The following SLC6A19 variants were observed in gnomAD, a reference collection of about 807,000 sequenced individuals.
The protein encoded by SLC6A19 is solute carrier family 6 member 19, also known as sodium-dependent neutral amino acid transporter B(0)AT1.
A neutral mutation model predicts 68.3 loss-of-function variants in SLC6A19; 67 were observed. The ratio of observed to expected loss-of-function variants is 0.98; its 90% confidence interval spans 0.81 to 1.20. The LOEUF is 1.20. Among genes scored for constraint, SLC6A19 ranks in the 50% most tolerant of loss-of-function variants. The pLI, the probability that SLC6A19 is intolerant of heterozygous loss-of-function variation, is 0.00. For missense variants in SLC6A19, 813 were observed against 851.6 expected, an observed-to-expected ratio of 0.95 and a Z score of 0.56; for synonymous variants, 392 against 374.9, an observed-to-expected ratio of 1.05 and a Z score of -0.53.
At chr5:1,221,018 G>A (rs1579518782) in intron 10 of SLC6A19, 133 bp from the exon 11 acceptor site, 3 of 1,108,416 alleles carry the variant, frequency 2.7e-6, no homozygotes, top group African/African-American at 3.1e-5. Context: ...CAGGAGGGAG[G>A]GATCGGGCCC....
At chr5:1,202,069 C>T (rs985370035) in intron 1 of SLC6A19, among the ~76,000 whole-genome samples, 1 of 152,206 alleles carries the variant, frequency 6.6e-6, no homozygotes, top group African/African-American at 2.4e-5. Context: ...GGCACGACCC[C>T]AAGACTTCGT....
chr5:1,209,521 T>C lies in SLC6A19; in HGVS notation c.343+635T>C, dbSNP rs1745961219. Among the ~76,000 whole-genome samples the C allele has an allele frequency of 6.6e-6, 1 of 151,994 alleles. No homozygotes were observed. Among genetic ancestry groups the C allele is most frequent in the Admixed American group, 6.5e-5 (1 of 15,276 alleles). On this transcript the variant is annotated intron_variant, in intron 2 of 11. Transcript: ENST00000304460. This position sits in a 1 kb window ranked among gnomAD's most constrained non-coding sequence, Gnocchi z 5.5. The stretch of plus-strand genomic sequence containing the variant: ...AGCCTCTCCCTGAGTCTCCAAGGCC[T>C]CCCTCCAGGCCCAGGGCAGAGCCCA...
At position 1,219,644 on chromosome 5, in the gene SLC6A19, C is replaced by A. The variant is rs1402819272; in HGVS notation, c.1518C>A (p.Val506=). The A allele has an allele frequency of 2.5e-6, 4 of 1,606,742 alleles. No individual in the cohort carries two copies. Among genetic ancestry groups the A allele is most frequent in the Non-Finnish European group, 3.4e-6 (4 of 1,180,004 alleles). Residue 506 remains valine, a synonymous_variant, in exon 10 of 12, where the codon GTC becomes GTA. Coordinates refer to ENST00000304460, the MANE Select transcript of SLC6A19 (RefSeq NM_001003841.3). ...CCTTCTGCGAGATGTTCTCTGTGGTCTACGTGTACGGTGTGGACAGGTAGG... is the reference window on the plus strand; with the variant it reads ...CCTTCTGCGAGATGTTCTCTGTGGTATACGTGTACGGTGTGGACAGGTAGG... ...IIAFCEMFSV[V]YVYGVDRFNK...
intron 4 of SLC6A19, among the ~76,000 whole-genome samples, chr5:1,213,038 T>G (rs1561165431): frequency 1.0e-5 from 1 of 96,902 alleles, no homozygotes; most frequent in African/African-American, 4.1e-5. Flanking sequence ...CCCCACCCAT[T>G]CCACATACCC....
Position 1,222,035 on chromosome 5 carries a change from A to T in SLC6A19, c.*131A>T. ...TGTATGCTCGTGTGTGAGTGTGTGT[A>T]TTGTACACGCATGTGCCATGTGTGC... On this transcript the variant is annotated 3_prime_UTR_variant, in exon 12 of 12. Coordinates refer to ENST00000304460, the MANE Select transcript of SLC6A19 (RefSeq NM_001003841.3). The T allele has an allele frequency of 9.9e-7, 1 of 1,008,220 alleles. No homozygotes were observed. The highest frequency in any genetic ancestry group is 1.5e-6 in the Non-Finnish European group (1 of 675,396). 62.5% of individuals were successfully genotyped at this position (1,008,220 alleles called of 1,614,324 possible). A position where few individuals can be genotyped will look rare whatever the true frequency, so the allele number is the denominator to read the frequency against.
rs998850537 is a variant in SLC6A19 at position 1,212,737 on chromosome 5, C to T, written c.663+253C>T. Among the ~76,000 whole-genome samples, 9 of 152,030 alleles carry T rather than the reference C, an allele frequency of 5.9e-5. No homozygotes were observed. Among genetic ancestry groups the T allele is most frequent in the Non-Finnish European group, 1.0e-4 (7 of 68,000 alleles). Reference sequence around the variant, plus strand: ...TGACGTTGGCCCACACGACACTTAGCGTTATGTAGGAGTAATACAAACTAC... The same window carrying T: ...TGACGTTGGCCCACACGACACTTAGTGTTATGTAGGAGTAATACAAACTAC... On this transcript the variant is annotated intron_variant, in intron 4 of 11. Transcript: ENST00000304460. This position sits in a 1 kb window ranked among gnomAD's most constrained non-coding sequence, Gnocchi z 5.1.
In SLC6A19 at chr5:1,212,202, G is replaced by A. The variant is rs1418905463; in HGVS notation, c.482-101G>A. The A allele has an allele frequency of 1.4e-6, 2 of 1,465,956 alleles. No homozygotes were observed. The highest frequency in any genetic ancestry group is 2.3e-5 in the East Asian group (1 of 43,804). 90.8% of individuals were successfully genotyped at this position (1,465,956 alleles called of 1,614,324 possible). ...CGTGTGGGCGTGTCACTGGTGTCAA[G>A]GCCTCTGGAACGTGGCTGGCATTTC... On this transcript the variant is annotated intron_variant, in intron 3 of 11. Coordinates refer to ENST00000304460, the MANE Select transcript of SLC6A19 (RefSeq NM_001003841.3). The surrounding 1 kb of genome is among the most constrained non-coding windows in gnomAD (Gnocchi z 5.1).
chr5:1,211,745 C>T (rs1402917646), intron 3 of SLC6A19, among the ~76,000 whole-genome samples: 1 of 149,132 alleles, frequency 6.7e-6, no homozygotes, highest in Admixed American at 6.7e-5. Context: ...AGAGTACAGT[C>T]ACGCTTGTGT....
chr5:1,216,694 G>T lies in SLC6A19; in HGVS notation c.1016+8G>T, dbSNP rs1182491186. On this transcript the variant is annotated splice_region_variant and intron_variant, in intron 7 of 11. Coordinates refer to ENST00000304460, the MANE Select transcript of SLC6A19 (RefSeq NM_001003841.3). Reference sequence around the variant, plus strand: ...CGACGACTGCTTCAGCACGTGAGTGGCTGTCCCACCATCCTGGTGCCTTGG... The same window carrying T: ...CGACGACTGCTTCAGCACGTGAGTGTCTGTCCCACCATCCTGGTGCCTTGG... The T allele has an allele frequency of 3.1e-6, 5 of 1,613,574 alleles. No homozygotes were observed. The highest frequency in any genetic ancestry group is 4.2e-6 in the Non-Finnish European group (5 of 1,180,044).
intron 1 of SLC6A19, among the ~76,000 whole-genome samples, chr5:1,203,419 G>A (rs1405918575): frequency 2.0e-5 from 3 of 152,146 alleles, no homozygotes; most frequent in Admixed American, 6.5e-5. Context: ...CGGGCAGCGG[G>A]CAGCGGGCAG....
rs976799911 is a variant in SLC6A19, at chr5:1,217,322, G to A, written c.1173+377G>A. Among the ~76,000 whole-genome samples the A allele has an allele frequency of 2.0e-5, 3 of 152,344 alleles. No homozygotes were observed. The East Asian group carries it at 5.8e-4, about 29-fold the overall frequency. On this transcript the variant is annotated intron_variant, in intron 8 of 11. Coordinates refer to ENST00000304460, the MANE Select transcript of SLC6A19 (RefSeq NM_001003841.3). ...TTTTTGTAGCTGTTTTTGAACCTGT[G>A]AGGCCACCAGGACAGGTTTTATTTT...
chr5:1,210,947 C>T (rs1017635791), intron 3 of SLC6A19, among the ~76,000 whole-genome samples: 1 of 152,190 alleles, frequency 6.6e-6, no homozygotes, highest in Admixed American at 6.5e-5. Context: ...TGCGTTGCTC[C>T]GCACAGGTGG....
In SLC6A19 at chr5:1,212,623, C is replaced by T; in HGVS notation, c.663+139C>T. The T allele has an allele frequency of 8.7e-7, 1 of 1,146,152 alleles. No individual in the cohort carries two copies. The highest frequency in any genetic ancestry group is 2.1e-5 in the Admixed American group (1 of 46,594). 71.0% of individuals were successfully genotyped at this position (1,146,152 alleles called of 1,614,324 possible). ...TCCCCAGACCCCACCAAGAGAGCTG[C>T]CTTTGCCCTTAGGCTCACTGGCCTG... On this transcript the variant is annotated intron_variant, in intron 4 of 11. Coordinates refer to ENST00000304460, the MANE Select transcript of SLC6A19 (RefSeq NM_001003841.3). The surrounding 1 kb of genome is among the most constrained non-coding windows in gnomAD (Gnocchi z 5.1).
At chr5:1,210,622 G>T in intron 3 of SLC6A19, 41 bp downstream of exon 3, 1 of 1,608,862 alleles carries the variant, frequency 6.2e-7, no homozygotes. Flanking sequence ...CACCTGTGAG[G>T]CTGTTGTGTC....
At chr5:1,205,869 C>G (rs1343742999) in intron 1 of SLC6A19, among the ~76,000 whole-genome samples, 1 of 152,208 alleles carries the variant, frequency 6.6e-6, no homozygotes. Flanking sequence ...CCACACCCTC[C>G]CATAGGGACC....
Position 1,219,035 on chromosome 5 carries a change from A to G in SLC6A19, c.1306A>G (p.Met436Val), listed in dbSNP as rs1426691774. The G allele has an allele frequency of 6.2e-7, 1 of 1,614,004 alleles. No individual in the cohort carries two copies. Among genetic ancestry groups the G allele is most frequent in the South Asian group, 1.1e-5 (1 of 91,082 alleles). ...GGGGCTGTCATCTATGTTTGGGAAC[A>G]TGGAGGGCGTCGTTGTGCCCCTGCA... The part of the protein sequence containing the change: ...CLGLSSMFGN[M>V]EGVVVPLQDL... The change falls in exon 9 of 12, where the codon ATG (methionine) becomes GTG (valine). Residue 436 changes from methionine to valine, a missense_variant. By Grantham distance (21) the Met-to-Val change is conservative. Coordinates refer to ENST00000304460, the MANE Select transcript of SLC6A19 (RefSeq NM_001003841.3).
At chr5:1,217,960 G>A (rs901659373) in intron 8 of SLC6A19, among the ~76,000 whole-genome samples, 4 of 152,018 alleles carry the variant, frequency 2.6e-5, no homozygotes, top group Admixed American at 2.0e-4. Context: ...GGCTGCCCTC[G>A]GCAGTGCCAT....
Position 1,215,081 on chromosome 5 carries a change from A to G in SLC6A19, c.887+1016A>G, listed in dbSNP as rs1389952850. ...GTGCGAGCACTGGGTGGAGCAGTGAAGCCCCACCCAGGCCTCAGGAGCTCC... is the reference window on the plus strand; with the variant it reads ...GTGCGAGCACTGGGTGGAGCAGTGAGGCCCCACCCAGGCCTCAGGAGCTCC... On this transcript the variant is annotated intron_variant, in intron 6 of 11. Coordinates refer to ENST00000304460, the MANE Select transcript of SLC6A19 (RefSeq NM_001003841.3). This position sits in a 1 kb window ranked among gnomAD's most constrained non-coding sequence, Gnocchi z 5.1. 6.6e-6 allele frequency among the ~76,000 whole-genome samples: 1 copy of G among 151,750 alleles called. No homozygotes were observed. Among genetic ancestry groups the G allele is most frequent in the Non-Finnish European group, 1.5e-5 (1 of 67,914 alleles).
rs143414604 is a variant in SLC6A19 at position 1,221,166 on chromosome 5, C to T, written c.1554C>T (p.Ile518=). 116 of 1,613,812 alleles carry T rather than the reference C, an allele frequency of 7.2e-5. No individual in the cohort carries two copies. Among genetic ancestry groups the T allele is most frequent in the East Asian group, 1.1e-4 (5 of 44,866 alleles). ...GCCTTGGCAGGTTCAATAAGGACAT[C>T]GAGTTCATGATCGGCCACAAGCCCA... The part of the protein sequence containing the change: ...VYGVDRFNKD[I]EFMIGHKPNI... The change falls in exon 11 of 12, where the codon ATC becomes ATT. Residue 518 remains isoleucine, a synonymous_variant. Transcript: ENST00000304460.
Sources: allele counts gnomAD v4.1 joint callset (sites outside exome capture counted in the v4.1 genomes callset), GRCh38; gene constraint gnomAD v4.1.1; non-coding constraint Gnocchi (gnomAD v3.1); transcripts MANE v1.5; gene names NCBI Gene and HGNC (gene_info 2026-07-23, HGNC 2026-07-21).